Variants in CABP5 observed in about 807,000 individuals in gnomAD.
CABP5 encodes calcium-binding protein 5.
In CABP5, 17 loss-of-function variants were observed where a neutral mutation model predicts 21.9. The ratio of observed to expected loss-of-function variants is 0.78; its 90% CI spans 0.53 to 1.17. The LOEUF (loss-of-function observed/expected upper bound fraction) is 1.17, where lower values mean the gene tolerates loss of function less well. Among genes scored for constraint, CABP5 ranks in the 50% most tolerant of loss-of-function variants. The pLI is 0.00. For synonymous variants in CABP5, 85 were observed against 79.4 expected, an observed-to-expected ratio of 1.07 and a Z score of -0.37; for missense variants, 229 against 228.9, an observed-to-expected ratio of 1.00 and a Z score of 0.00.
intron 4 of CABP5, among the ~76,000 whole-genome samples, chr19:48,036,621 T>G (rs1470540513): frequency 6.6e-6 from 1 of 152,230 alleles, no homozygotes; most frequent in African/African-American, 2.4e-5. Context: ...TTAATAATAC[T>G]GCATAATGAC....
chr19:48,043,649 T>C (rs1442015181), intron 1 of CABP5, among the ~76,000 whole-genome samples: 1 of 149,088 alleles, frequency 6.7e-6, no homozygotes, highest in Admixed American at 6.8e-5. Context: ...TCTCCTTCTC[T>C]TTGCTCCTGA....
Position 48,043,984 on chromosome 19 carries a change from T to C in CABP5, c.-62A>G. On this transcript the variant is annotated 5_prime_UTR_variant, in exon 1 of 6. Transcript: ENST00000293255. ...AAGATGGCCCCTCCTCCCTGCTCCC[T>C]GTCGGAGCTCAGCCTCCTTATCTTC... 2 of 1,411,292 alleles carry C rather than the reference T, an allele frequency of 1.4e-6. No homozygotes were observed. The highest frequency in any genetic ancestry group is 1.9e-6 in the Non-Finnish European group (2 of 1,051,832). The allele number at this position is 1,411,292 out of a possible 1,614,324, so 87.4% of individuals were successfully genotyped here.
chr19:48,039,413 C>T, intron 3 of CABP5, 96 bp from the exon 4 acceptor site: 1 of 902,456 alleles, frequency 1.1e-6, no homozygotes, highest in Non-Finnish European at 1.8e-6. Flanking sequence ...GCTCCCTTCT[C>T]CCTGCCCTAT....
chr19:48,043,971 C>CCTCCCTG lies in CABP5; in HGVS notation c.-56_-50dup, dbSNP rs949761667. 2.7e-6 allele frequency: 4 copies of CCTCCCTG among 1,459,522 alleles called. No homozygotes were observed. The highest frequency in any genetic ancestry group is 5.5e-5 in the Admixed American group (2 of 36,686). The allele number at this position is 1,459,522 out of a possible 1,614,324, so 90.4% of individuals were successfully genotyped here. A position where few individuals can be genotyped will look rare whatever the true frequency, so the allele number is the denominator to read the frequency against. The stretch of plus-strand genomic sequence containing the variant: ...GGGCACCAGTCTCAAGATGGCCCCT[C>CCTCCCTG]CTCCCTGCTCCCTGTCGGAGCTCAG... On this transcript the variant is annotated 5_prime_UTR_variant, in exon 1 of 6. Coordinates refer to ENST00000293255, the MANE Select transcript of CABP5 (RefSeq NM_019855.5).
intron 5 of CABP5, 69 bp from the exon 6 acceptor site, chr19:48,030,651 C>T: frequency 6.6e-7 from 1 of 1,516,290 alleles, no homozygotes; most frequent in Non-Finnish European, 9.1e-7. Flanking sequence ...ATTTTTTGAG[C>T]CCTTCCTATG....
rs756907490 is a variant in CABP5 at position 48,039,807 on chromosome 19, G to A, written c.239-490C>T. 1.8e-4 allele frequency among the ~76,000 whole-genome samples: 23 copies of A among 129,566 alleles called. No homozygotes were observed. The Middle Eastern group carries it at 0.027, about 150-fold the overall frequency. The allele number at this position is 129,566 out of a possible 152,430, so 85.0% of individuals were successfully genotyped here. ...CGGCTCACTGCAACCTCTGCCTCCCGGGTTCAAGCGATTCTCGTACCTTAG... is the reference window on the plus strand; with the variant it reads ...CGGCTCACTGCAACCTCTGCCTCCCAGGTTCAAGCGATTCTCGTACCTTAG... On this transcript the variant is annotated intron_variant, in intron 3 of 5. Coordinates refer to ENST00000293255, the MANE Select transcript of CABP5 (RefSeq NM_019855.5).
rs1480099567 is a variant in CABP5 at position 48,029,822 on chromosome 19, G to GAC, written c.*734_*735insGT. 14 of 151,648 alleles carry GAC rather than the reference G, an allele frequency of 9.2e-5. No individual in the cohort carries two copies. The highest frequency in any genetic ancestry group is 3.4e-4 in the African/African-American group (14 of 41,202). The allele number at this position is 151,648 out of a possible 1,614,324, so 9.4% of individuals were successfully genotyped here. On this transcript the variant is annotated 3_prime_UTR_variant, in exon 6 of 6. Transcript: ENST00000293255. The stretch of plus-strand genomic sequence containing the variant: ...ACAGAGAGAGAGAGAGAGAGAGAGA[G>GAC]AGAGAGAGAGAGAGAAACCAGACAG...
intron 4 of CABP5, among the ~76,000 whole-genome samples, chr19:48,036,915 G>A (rs752538117): frequency 2.6e-5 from 4 of 152,204 alleles, no homozygotes; most frequent in Non-Finnish European, 4.4e-5. Flanking sequence ...CTGTTAGGAT[G>A]GCTACTGTTA....
intron 5 of CABP5, 99 bp from the exon 6 acceptor site, chr19:48,030,681 T>A: frequency 8.7e-7 from 1 of 1,143,576 alleles, no homozygotes; most frequent in African/African-American, 1.5e-5. Flanking sequence ...CTGCTGGTGA[T>A]CCCTGGGAAA....
intron 5 of CABP5, among the ~76,000 whole-genome samples, chr19:48,033,854 G>A (rs922005362): frequency 6.6e-6 from 1 of 152,128 alleles, no homozygotes; most frequent in Admixed American, 6.5e-5. Flanking sequence ...TGACCCCAGA[G>A]CTCCAGCTGC....
chr19:48,034,284 T>C lies in CABP5; in HGVS notation c.427A>G (p.Thr143Ala). 1 of 1,608,380 alleles carries C rather than the reference T, an allele frequency of 6.2e-7. No individual in the cohort carries two copies. Among genetic ancestry groups the C allele is most frequent in the Non-Finnish European group, 8.5e-7 (1 of 1,177,738 alleles). Residue 143 changes from threonine (T) to alanine (A), a missense_variant, in exon 5 of 6, where the codon ACC becomes GCC. Thr to Ala is a moderately conservative substitution (Grantham distance 58, BLOSUM62 0). Transcript: ENST00000293255. ...ACAACCTCAGAGATCTCCCGGGGGGTGAGCCGCTCCCCCAGGAGTCTCTGC... is the reference window on the plus strand; with the variant it reads ...ACAACCTCAGAGATCTCCCGGGGGGCGAGCCGCTCCCCCAGGAGTCTCTGC... ...AMQRLLGERL[T>A]PREISEVVRE...
intron 4 of CABP5, among the ~76,000 whole-genome samples, chr19:48,036,645 A>G (rs1263881036): frequency 6.6e-6 from 1 of 152,182 alleles, no homozygotes; most frequent in Non-Finnish European, 1.5e-5. Flanking sequence ...TATTGCTTTT[A>G]ATGGCAAAAT....
rs536055054 is a variant in CABP5, at chr19:48,035,175, T to C, written c.349-813A>G. Among the ~76,000 whole-genome samples the C allele has an allele frequency of 1.8e-4, 27 of 152,322 alleles. No individual in the cohort carries two copies. In the East Asian group the frequency reaches 5.2e-3, roughly 29 times the overall value. On this transcript the variant is annotated intron_variant, in intron 4 of 5. Coordinates refer to ENST00000293255, the MANE Select transcript of CABP5 (RefSeq NM_019855.5). The stretch of plus-strand genomic sequence containing the variant: ...CCACCTTTCTTTTTATTTGCATGAG[T>C]TCAATTTTTTAAGATTCTGCATGTA...
chr19:48,043,763 C>T (rs1967513854), intron 1 of CABP5, 97 bp downstream of exon 1: 4 of 1,040,064 alleles, frequency 3.8e-6, no homozygotes, highest in Middle Eastern at 3.3e-4. Flanking sequence ...TCCACCTGTT[C>T]CCCTGGTTCT....
intron 4 of CABP5, among the ~76,000 whole-genome samples, chr19:48,038,848 T>G (rs1305124625): frequency 2.0e-5 from 3 of 152,102 alleles, no homozygotes; most frequent in Admixed American, 2.0e-4. Context: ...GTCCTAACAT[T>G]TATTCTAGAG....
chr19:48,029,798 C>CAGACAGAGAGAGAGAG lies in CABP5; in HGVS notation c.*758_*759insCTCTCTCTCTCTGTCT, dbSNP rs1555737196. On this transcript the variant is annotated 3_prime_UTR_variant, in exon 6 of 6. Coordinates refer to ENST00000293255, the MANE Select transcript of CABP5 (RefSeq NM_019855.5). ...GGGAGGGGAGACAGAGACAGACAGA[C>CAGACAGAGAGAGAGAG]AGAGAGAGAGAGAGAGAGAGAGAGA... 8.3e-6 allele frequency among the ~76,000 whole-genome samples: 1 copy of CAGACAGAGAGAGAGAG among 120,150 alleles called. No homozygotes were observed. Among genetic ancestry groups the CAGACAGAGAGAGAGAG allele is most frequent in the Admixed American group, 8.9e-5 (1 of 11,252 alleles). 78.8% of individuals were successfully genotyped at this position (120,150 alleles called of 152,430 possible). A position where few individuals can be genotyped will look rare whatever the true frequency, so the allele number is the denominator to read the frequency against.
intron 4 of CABP5, among the ~76,000 whole-genome samples, chr19:48,037,718 G>A (rs1251839788): frequency 6.6e-6 from 1 of 152,096 alleles, no homozygotes; most frequent in Non-Finnish European, 1.5e-5. Flanking sequence ...AGCTATGTAA[G>A]TAGCATTCTT....
chr19:48,041,426 A>G, intron 2 of CABP5, 147 bp downstream of exon 2: 1 of 789,848 alleles, frequency 1.3e-6, no homozygotes, highest in Non-Finnish European at 2.1e-6. Context: ...CACGAGAAAG[A>G]GTTCTACAAA....
rs1224439008 is a variant in CABP5 at position 48,029,828 on chromosome 19, G to GAGAGAGAGAGAGAGAGAGAGAGAC, written c.*728_*729insGTCTCTCTCTCTCTCTCTCTCTCT. The GAGAGAGAGAGAGAGAGAGAGAGAC allele has an allele frequency of 2.7e-5, 4 of 150,526 alleles. No individual in the cohort carries two copies. Among genetic ancestry groups the GAGAGAGAGAGAGAGAGAGAGAGAC allele is most frequent in the African/African-American group, 9.9e-5 (4 of 40,400 alleles). The allele number at this position is 150,526 out of a possible 1,614,324, so 9.3% of individuals were successfully genotyped here. A position where few individuals can be genotyped will look rare whatever the true frequency, so the allele number is the denominator to read the frequency against. On this transcript the variant is annotated 3_prime_UTR_variant, in exon 6 of 6. Transcript: ENST00000293255. ...AGAGAGAGAGAGAGAGAGAGAGAGAGAGAGAGAGAAACCAGACAGTGCTTC... is the reference window on the plus strand; with the variant it reads ...AGAGAGAGAGAGAGAGAGAGAGAGAGAGAGAGAGAGAGAGAGAGAGAGACAGAGAGAGAAACCAGACAGTGCTTC...
Sources: gnomAD v4.1 joint callset for allele counts (sites outside exome capture counted in the v4.1 genomes callset) on GRCh38, gnomAD v4.1.1 for gene constraint, MANE v1.5 for transcripts, NCBI Gene and HGNC (gene_info 2026-07-23, HGNC 2026-07-21) for gene names.